The following PCLO variants were observed in gnomAD, a reference collection of about 807,000 sequenced individuals.
PCLO encodes piccolo presynaptic cytomatrix protein.
A neutral mutation model predicts 427.5 loss-of-function variants in PCLO; 82 were observed. The observed-to-expected ratio is 0.19, with a 90% CI of 0.16 to 0.23. The LOEUF is 0.23. Ranked by LOEUF, PCLO falls within the 10% of genes least tolerant of loss-of-function variation. The pLI is 1.00. For missense variants in PCLO, 6,239 were observed against 6,115.9 expected (o/e 1.02, Z -0.67); for synonymous variants, 2,357 against 2,155.4 (o/e 1.09, Z -2.59).
chr7:83,055,110 C>A (rs145621674), intron 3 of PCLO, among the ~76,000 whole-genome samples: 21 of 152,044 alleles, frequency 1.4e-4, no homozygotes, highest in African/African-American at 4.8e-4. Flanking sequence ...GGAAACAGCA[C>A]GTTTTTGCTA....
At chr7:83,034,542 T>C (rs1251729020) in intron 3 of PCLO, among the ~76,000 whole-genome samples, 3 of 152,168 alleles carry the variant, frequency 2.0e-5, no homozygotes, top group Non-Finnish European at 4.4e-5. Context: ...AATGTAACTT[T>C]CCAATAATGA....
At chr7:82,905,388 T>C (rs1794162254) in intron 8 of PCLO, among the ~76,000 whole-genome samples, 1 of 151,998 alleles carries the variant, frequency 6.6e-6, no homozygotes, top group Admixed American at 6.6e-5. Flanking sequence ...TGTGTATTCA[T>C]ACAGACATCC....
intron 9 of PCLO, among the ~76,000 whole-genome samples, chr7:82,900,405 A>AAT (rs1794009334): frequency 6.6e-6 from 1 of 151,722 alleles, no homozygotes; most frequent in East Asian, 1.9e-4. Flanking sequence ...ACATAAATTA[A>AAT]ATATATATTT....
At chr7:82,790,219 G>T (rs1372463969) in intron 22 of PCLO, among the ~76,000 whole-genome samples, 1 of 152,114 alleles carries the variant, frequency 6.6e-6, no homozygotes, top group Non-Finnish European at 1.5e-5. Context: ...CCAAATCTGT[G>T]TAATTTTCCT....
intron 9 of PCLO, among the ~76,000 whole-genome samples, chr7:82,892,747 TCAA>T (rs1403386125): frequency 6.6e-6 from 1 of 151,686 alleles, no homozygotes; most frequent in African/African-American, 2.4e-5. Context: ...AACAACCCCA[TCAA>T]CAAGTGGGGG....
chr7:82,907,556 C>T (rs1794220883), intron 8 of PCLO, among the ~76,000 whole-genome samples: 1 of 151,818 alleles, frequency 6.6e-6, no homozygotes, highest in Non-Finnish European at 1.5e-5. Context: ...AGAGTTGAAA[C>T]ACAACCACAA....
intron 3 of PCLO, among the ~76,000 whole-genome samples, chr7:83,024,462 C>T (rs528274543): frequency 6.6e-6 from 1 of 152,280 alleles, no homozygotes; most frequent in East Asian, 1.9e-4. Flanking sequence ...CCTACGCCCA[C>T]GGAGTCTCGC....
chr7:82,803,833 G>A (rs1348553879), intron 21 of PCLO, among the ~76,000 whole-genome samples: 3 of 151,968 alleles, frequency 2.0e-5, no homozygotes, highest in Non-Finnish European at 4.4e-5. Flanking sequence ...GTAAATATTC[G>A]TTGTGCTCAT....
chr7:83,065,063 A>C (rs1226476654), intron 3 of PCLO, among the ~76,000 whole-genome samples: 1 of 151,886 alleles, frequency 6.6e-6, no homozygotes, highest in African/African-American at 2.4e-5. Context: ...TTCCAAAAAA[A>C]AAAAAAAAGA....
chr7:82,944,674 T>C (rs564534341), intron 6 of PCLO, among the ~76,000 whole-genome samples: 1 of 152,268 alleles, frequency 6.6e-6, no homozygotes, highest in South Asian at 2.1e-4. Context: ...AAGATACAGT[T>C]ACCGGAACTT....
Position 82,950,598 on chromosome 7 carries a change from G to A in PCLO, c.9990C>T (p.Thr3330=). ...CTTCCAAAATTGCCTGCTCTGTAGT[G>A]GTTTGTGGAGAAGCAGTTCCAGAAG... ...YDPSGTASPQ[T]TTEQAILEGQ... The change falls in exon 6 of 25, where the codon ACC becomes ACT. Residue 3330 remains threonine, a synonymous_variant. Transcript: ENST00000333891. The A allele has an allele frequency of 6.2e-7, 1 of 1,613,838 alleles. No homozygotes were observed. Among genetic ancestry groups the A allele is most frequent in the South Asian group, 1.1e-5 (1 of 91,082 alleles).
intron 3 of PCLO, among the ~76,000 whole-genome samples, chr7:83,056,484 G>A (rs917193264): frequency 1.8e-4 from 27 of 152,080 alleles, no homozygotes; most frequent in African/African-American, 5.1e-4. Context: ...TATCCACGTC[G>A]AATGAGGATA....
rs1221713482 is a variant in PCLO, at chr7:82,914,794, A to G, written c.13192T>C (p.Leu4398=). Residue 4398 remains leucine (L), a synonymous_variant, in exon 7 of 25, where the codon TTG becomes CTG. Coordinates refer to ENST00000333891, the MANE Select transcript of PCLO (RefSeq NM_033026.6). The part of the protein sequence containing the change: ...TRDQFGSSHS[L]PEVQQHMREE... ...CTCATGTGTTGCTGAACTTCAGGCA[A>G]TGAGTGGCTTGATCCAAACTGATCC... The G allele has an allele frequency of 5.0e-6, 8 of 1,613,402 alleles. No individual in the cohort carries two copies. The highest frequency in any genetic ancestry group is 6.8e-6 in the Non-Finnish European group (8 of 1,179,650).
intron 2 of PCLO, 50 bp downstream of exon 2, chr7:83,154,696 TAA>T: frequency 7.9e-7 from 1 of 1,265,600 alleles, no homozygotes; most frequent in Non-Finnish European, 1.1e-6. Flanking sequence ...ATCATTTGTA[TAA>T]GAGGATGATA....
intron 3 of PCLO, among the ~76,000 whole-genome samples, chr7:83,088,005 A>T (rs945440642): frequency 6.6e-6 from 1 of 152,228 alleles, no homozygotes; most frequent in Non-Finnish European, 1.5e-5. Context: ...TATAATCGAT[A>T]AAATGTAATC....
intron 16 of PCLO, 27 bp from the exon 17 acceptor site, chr7:82,827,993 T>C (rs1791991809): frequency 3.2e-6 from 4 of 1,254,712 alleles, no homozygotes; most frequent in Non-Finnish European, 2.3e-6. Flanking sequence ...GAAAGAGTTA[T>C]CTTGATTATT....
At chr7:83,149,749 A>T (rs530159858) in intron 2 of PCLO, among the ~76,000 whole-genome samples, 1 of 152,328 alleles carries the variant, frequency 6.6e-6, no homozygotes, top group South Asian at 2.1e-4. Flanking sequence ...TACTAGAAAA[A>T]TAAGATGCAA....
chr7:83,101,562 G>C (rs1360473591), intron 3 of PCLO, among the ~76,000 whole-genome samples: 1 of 152,094 alleles, frequency 6.6e-6, no homozygotes, highest in African/African-American at 2.4e-5. Flanking sequence ...GACTAGAATA[G>C]GTATGGTATA....
At chr7:82,898,420 AAATT>A (rs1281649986) in intron 9 of PCLO, among the ~76,000 whole-genome samples, 7 of 151,494 alleles carry the variant, frequency 4.6e-5, no homozygotes, top group Non-Finnish European at 1.0e-4. Context: ...TTTCCTAAAT[AAATT>A]TTTTCTTTTA....
Sources: allele counts gnomAD v4.1 joint callset (sites outside exome capture counted in the v4.1 genomes callset), GRCh38; gene constraint gnomAD v4.1.1; transcripts MANE v1.5; gene names NCBI Gene and HGNC (gene_info 2026-07-23, HGNC 2026-07-21).